The following RASA2 variants were observed in gnomAD, a reference collection of about 807,000 sequenced individuals.
The protein encoded by RASA2 is RAS p21 protein activator 2.
In RASA2, 155 loss-of-function variants were observed where a neutral mutation model predicts 118.2. That is an observed-to-expected ratio of 1.31 (90% CI 1.15 to 1.50). RASA2 has a LOEUF of 1.50. Ranked by LOEUF, RASA2 falls within the 40% of genes most tolerant of loss-of-function variation. The pLI is 0.00. For missense variants in RASA2, 1,016 were observed against 1,009.6 expected, an observed-to-expected ratio of 1.01 and a Z score of -0.09; for synonymous variants, 353 against 349.1, an observed-to-expected ratio of 1.01 and a Z score of -0.12.
At chr3:141,525,041 A>G (rs2082166324) in intron 3 of RASA2, 1 of 152,210 alleles carries the variant, frequency 6.6e-6, no homozygotes, top group South Asian at 2.1e-4. Flanking sequence ...GTAACACAGT[A>G]TTTACTGATG....
At chr3:141,506,928 A>G (rs1041729096) in intron 1 of RASA2, among the ~76,000 whole-genome samples, 3 of 151,868 alleles carry the variant, frequency 2.0e-5, no homozygotes, top group Non-Finnish European at 4.4e-5. Flanking sequence ...AAAAAAAAAA[A>G]AAAAGAAAAA....
intron 4 of RASA2, among the ~76,000 whole-genome samples, chr3:141,536,861 C>A (rs1020670721): frequency 6.6e-6 from 1 of 151,082 alleles, no homozygotes; most frequent in African/African-American, 2.4e-5. Flanking sequence ...GATTCTCCTG[C>A]CTCAGCCTCC....
Position 141,559,916 on chromosome 3 carries a change from A to G in RASA2, c.784A>G (p.Asn262Asp). ...EIRIDLWNNG[N>D]LVQDVFLGEI... ...CAGGATCGACTTGTGGAACAATGGAAACCTAGTCCAAGATGTTTTCCTAGG... is the reference window on the plus strand; with the variant it reads ...CAGGATCGACTTGTGGAACAATGGAGACCTAGTCCAAGATGTTTTCCTAGG... The change falls in exon 9 of 24, where the codon AAC becomes GAC. Residue 262 changes from asparagine (N) to aspartate (D), a missense_variant. This residue lies in a region of RASA2 where 896 missense variants were observed against 836.4 expected (regional missense o/e 1.07). Coordinates refer to ENST00000286364, the MANE Select transcript of RASA2 (RefSeq NM_006506.5). 6.2e-7 allele frequency: 1 copy of G among 1,613,208 alleles called. No homozygotes were observed. Among genetic ancestry groups the G allele is most frequent in the Non-Finnish European group, 8.5e-7 (1 of 1,179,376 alleles).
chr3:141,588,099 G>A (rs2107778641), intron 19 of RASA2, among the ~76,000 whole-genome samples: 1 of 152,230 alleles, frequency 6.6e-6, no homozygotes, highest in African/African-American at 2.4e-5. Context: ...TACTTGAAAA[G>A]TAATTCAAGC....
rs1490328714 is a variant in RASA2, at chr3:141,614,337, A to G, written c.*2024A>G. On this transcript the variant is annotated 3_prime_UTR_variant, in exon 24 of 24. Coordinates refer to ENST00000286364, the MANE Select transcript of RASA2 (RefSeq NM_006506.5). Reference sequence around the variant, plus strand: ...ACAGCCAGTTTGACTGGAATTAACCAACTTGGCACAGCCTAAAAAAGGAGT... The same window carrying G: ...ACAGCCAGTTTGACTGGAATTAACCGACTTGGCACAGCCTAAAAAAGGAGT... The G allele has an allele frequency of 6.6e-6, 1 of 152,180 alleles. No individual in the cohort carries two copies. The highest frequency in any genetic ancestry group is 6.5e-5 in the Admixed American group (1 of 15,274). 9.4% of individuals were successfully genotyped at this position (152,180 alleles called of 1,614,324 possible). A position where few individuals can be genotyped will look rare whatever the true frequency, so the allele number is the denominator to read the frequency against.
intron 15 of RASA2, among the ~76,000 whole-genome samples, chr3:141,577,672 T>G (rs1247224800): frequency 6.6e-6 from 1 of 152,168 alleles, no homozygotes; most frequent in Non-Finnish European, 1.5e-5. Flanking sequence ...TGGATAAGCA[T>G]TAACAGTAAA....
chr3:141,561,809 A>G (rs906398884), intron 9 of RASA2, among the ~76,000 whole-genome samples: 1 of 152,256 alleles, frequency 6.6e-6, no homozygotes, highest in Non-Finnish European at 1.5e-5. Context: ...AGATTCAAAT[A>G]ATAGATAAAA....
intron 7 of RASA2, among the ~76,000 whole-genome samples, chr3:141,557,398 G>C (rs752943747): frequency 7.9e-5 from 12 of 152,204 alleles, no homozygotes; most frequent in Non-Finnish European, 1.3e-4. Flanking sequence ...TGAGGAAAGA[G>C]AGTATTAGAG....
At chr3:141,584,114 C>T (rs2083159667) in intron 17 of RASA2, among the ~76,000 whole-genome samples, 1 of 151,960 alleles carries the variant, frequency 6.6e-6, no homozygotes. Context: ...AGGTGGATCA[C>T]AAGATCAGGA....
At chr3:141,520,277 C>T (rs184541046) in intron 3 of RASA2, among the ~76,000 whole-genome samples, 11 of 152,154 alleles carry the variant, frequency 7.2e-5, no homozygotes, top group Admixed American at 4.6e-4. Flanking sequence ...TCCCAAAGTG[C>T]TGGGATTACA....
Position 141,540,563 on chromosome 3 carries a change from G to T in RASA2, c.481G>T (p.Glu161Ter), listed in dbSNP as rs780688143. ...GKVHLELKLN[E>*]LITENGTVCQ... is the part of the protein sequence containing the mutation. ...AGTTCACCTTGAATTAAAACTGAATGAACTGATAACGGAGAATGGAACTGT... is the reference window on the plus strand; with the variant it reads ...AGTTCACCTTGAATTAAAACTGAATTAACTGATAACGGAGAATGGAACTGT... Residue 161 changes from glutamate (E) to a stop codon, truncating the protein, a stop_gained, in exon 5 of 24, where the codon GAA becomes TAA. Transcript: ENST00000286364. LOFTEE classifies it high-confidence loss of function. The T allele has an allele frequency of 1.2e-6, 2 of 1,612,892 alleles. No individual in the cohort carries two copies. Among genetic ancestry groups the T allele is most frequent in the Admixed American group, 1.7e-5 (1 of 59,958 alleles).
chr3:141,499,631 C>T (rs1421000514), intron 1 of RASA2, among the ~76,000 whole-genome samples: 1 of 152,014 alleles, frequency 6.6e-6, no homozygotes, highest in Non-Finnish European at 1.5e-5. Flanking sequence ...GACGGAGTCT[C>T]CCTCTGTCAC....
intron 9 of RASA2, among the ~76,000 whole-genome samples, chr3:141,566,143 T>G (rs1471671286): frequency 6.6e-6 from 1 of 152,234 alleles, no homozygotes; most frequent in Non-Finnish European, 1.5e-5. Flanking sequence ...AAAAAGCATC[T>G]CAGCATTCCA....
chr3:141,495,616 G>T (rs991034980), intron 1 of RASA2, among the ~76,000 whole-genome samples: 1 of 152,192 alleles, frequency 6.6e-6, no homozygotes, highest in African/African-American at 2.4e-5. Context: ...CATTGTTGTT[G>T]TGAGTTTAAA....
At chr3:141,529,633 A>G (rs1393649920) in intron 3 of RASA2, 75 bp from the exon 4 acceptor site, 2 of 977,526 alleles carry the variant, frequency 2.0e-6, no homozygotes, top group Non-Finnish European at 3.1e-6. Context: ...ATAAAGTATT[A>G]TATAAAACAG....
Position 141,574,210 on chromosome 3 carries a change from G to A in RASA2, c.1483+143G>A, listed in dbSNP as rs2082971623. On this transcript the variant is annotated intron_variant, in intron 14 of 23. Transcript: ENST00000286364. ...TTTTATTTTATTTTATTTTTTTTGAGACGGAGTCTTGCTCTGTCACCCTGG... is the reference window on the plus strand; with the variant it reads ...TTTTATTTTATTTTATTTTTTTTGAAACGGAGTCTTGCTCTGTCACCCTGG... 2 of 510,568 alleles carry A rather than the reference G, an allele frequency of 3.9e-6. 1 individual carries two copies. Among genetic ancestry groups the A allele is most frequent in the South Asian group, 1.8e-4 (2 of 10,984 alleles). 31.6% of individuals were successfully genotyped at this position (510,568 alleles called of 1,614,324 possible).
chr3:141,555,893 A>G lies in RASA2; in HGVS notation c.665A>G (p.Asn222Ser). Residue 222 changes from asparagine (N) to serine (S), a missense_variant, in exon 7 of 24, where the codon AAT (asparagine) becomes AGT (serine). Coordinates refer to ENST00000286364, the MANE Select transcript of RASA2 (RefSeq NM_006506.5). ...VKKKTSNPQF[N>S]EIFYFEVTRS... The stretch of plus-strand genomic sequence containing the variant: ...AAGAAAACAAGCAATCCGCAGTTTA[A>G]TGAAATCTTTTATTTTGAGGTAATT... The G allele has an allele frequency of 6.2e-7, 1 of 1,611,116 alleles. No homozygotes were observed.
chr3:141,488,910 A>G (rs1321976618), intron 1 of RASA2, among the ~76,000 whole-genome samples: 2 of 152,204 alleles, frequency 1.3e-5, no homozygotes, highest in South Asian at 2.1e-4. Context: ...GGAACTACAT[A>G]TACACATGTC....
Position 141,487,034 on chromosome 3 carries a change from C to G in RASA2, c.-50C>G. ...GGCCTAGGCCGCTGCTGGGCTCCGC[C>G]TCGCCCGGCTACGCAGGCGGCAGGG... is the stretch of plus-strand genomic sequence containing the variant. On this transcript the variant is annotated 5_prime_UTR_variant, in exon 1 of 24. Transcript: ENST00000286364. 8.7e-7 allele frequency: 1 copy of G among 1,154,840 alleles called. No homozygotes were observed. The highest frequency in any genetic ancestry group is 5.0e-5 in the Admixed American group (1 of 19,964). The allele number at this position is 1,154,840 out of a possible 1,614,324, so 71.5% of individuals were successfully genotyped here.
Sources: gnomAD v4.1 joint callset for allele counts (sites outside exome capture counted in the v4.1 genomes callset) on GRCh38, gnomAD v4.1.1 for gene constraint, gnomAD v4.1.1 regional missense constraint, MANE v1.5 for transcripts, NCBI Gene and HGNC (gene_info 2026-07-23, HGNC 2026-07-21) for gene names.